PPP6R3: variants seen among roughly 807,000 people sequenced by gnomAD.
The protein encoded by PPP6R3 is protein phosphatase 6 regulatory subunit 3.
Under a neutral mutation model 110.7 loss-of-function variants are expected in PPP6R3, and 38 were observed. The observed-to-expected ratio is 0.34, with a 90% CI of 0.26 to 0.45. The LOEUF (loss-of-function observed/expected upper bound fraction) is 0.45, where lower values mean the gene tolerates loss of function less well. PPP6R3 is among the 20% of genes least tolerant of loss of function. The pLI is 1.00. For synonymous variants in PPP6R3, 369 were observed against 373.5 expected (o/e 0.99, Z 0.14); for missense variants, 870 against 1,062.4 (o/e 0.82, Z 2.52).
At chr11:68,557,953 A>G (rs1176080102) in intron 7 of PPP6R3, among the ~76,000 whole-genome samples, 1 of 152,228 alleles carries the variant, frequency 6.6e-6, no homozygotes, top group Non-Finnish European at 1.5e-5. Flanking sequence ...GAGAAGTGTA[A>G]TGGAAAGAGC....
At chr11:68,475,654 G>A (rs1256991731) in intron 1 of PPP6R3, among the ~76,000 whole-genome samples, 103 of 137,542 alleles carry the variant, frequency 7.5e-4, no homozygotes, top group Admixed American at 2.3e-3. Flanking sequence ...CCTCCCTCCC[G>A]GACGGGGCGG....
chr11:68,506,428 A>AAAAAAAAAAAAAAAAAAAAAT (rs2099077792), intron 1 of PPP6R3, among the ~76,000 whole-genome samples: 1 of 134,672 alleles, frequency 7.4e-6, no homozygotes, highest in Non-Finnish European at 1.6e-5. Context: ...AAAAAAAAAA[A>AAAAAAAAAAAAAAAAAAAAAT]AAAAAAAAAA....
intron 2 of PPP6R3, among the ~76,000 whole-genome samples, chr11:68,535,957 ACT>A (rs1200370925): frequency 2.0e-5 from 3 of 152,036 alleles, no homozygotes; most frequent in South Asian, 2.1e-4. Context: ...ACAGAGCAAG[ACT>A]CTGTCTCGCA....
chr11:68,595,200 ATTTTTTTTTTTTTTTTTTT>A (rs71043443), intron 18 of PPP6R3, among the ~76,000 whole-genome samples: 4 of 81,114 alleles, frequency 4.9e-5, no homozygotes, highest in South Asian at 5.1e-4. Context: ...CATAAAAATA[ATTTTTTTTTTTTTTTTTTT>A]TTTTTTTTTT....
intron 2 of PPP6R3, among the ~76,000 whole-genome samples, chr11:68,519,912 C>T (rs2099155421): frequency 6.6e-6 from 1 of 152,182 alleles, no homozygotes; most frequent in African/African-American, 2.4e-5. Flanking sequence ...CGCCAATGAC[C>T]AGCCAGGCCT....
At chr11:68,466,484 G>T (rs2098746932) in intron 1 of PPP6R3, among the ~76,000 whole-genome samples, 1 of 149,450 alleles carries the variant, frequency 6.7e-6, no homozygotes. Context: ...TGTCACCCAG[G>T]CTGGAGTGCA....
chr11:68,538,240 T>C (rs182024671), intron 3 of PPP6R3, among the ~76,000 whole-genome samples: 8 of 152,362 alleles, frequency 5.3e-5, no homozygotes, highest in Admixed American at 5.2e-4. Flanking sequence ...ACAGCAGATC[T>C]AAGTCAGAGC....
At chr11:68,557,262 G>C (rs2099403112) in intron 7 of PPP6R3, among the ~76,000 whole-genome samples, 1 of 152,236 alleles carries the variant, frequency 6.6e-6, no homozygotes, top group Non-Finnish European at 1.5e-5. Flanking sequence ...GCTGGTCTGA[G>C]AGTACTTGAA....
chr11:68,594,073 A>G (rs1208859870), intron 18 of PPP6R3, among the ~76,000 whole-genome samples: 1 of 152,140 alleles, frequency 6.6e-6, no homozygotes, highest in Non-Finnish European at 1.5e-5. Flanking sequence ...AAAGAACAAG[A>G]TATGTTAACA....
chr11:68,607,776 A>G (rs561768352), intron 22 of PPP6R3, among the ~76,000 whole-genome samples: 1 of 151,646 alleles, frequency 6.6e-6, no homozygotes, highest in Admixed American at 6.6e-5. Flanking sequence ...TATCTAATCT[A>G]GATTTTTTTT....
At chr11:68,468,643 G>A (rs1475126787) in intron 1 of PPP6R3, among the ~76,000 whole-genome samples, 2 of 152,214 alleles carry the variant, frequency 1.3e-5, no homozygotes, top group African/African-American at 2.4e-5. Flanking sequence ...GCTGCTCTGC[G>A]GAAGTCAGGG....
intron 12 of PPP6R3, 117 bp downstream of exon 12, chr11:68,571,221 C>T: frequency 7.7e-7 from 1 of 1,294,286 alleles, no homozygotes; most frequent in Non-Finnish European, 1.0e-6. Context: ...GGCCATTTTA[C>T]AATTTAAACT....
chr11:68,510,856 T>A (rs1156271249), intron 1 of PPP6R3, among the ~76,000 whole-genome samples: 1 of 152,162 alleles, frequency 6.6e-6, no homozygotes, highest in South Asian at 2.1e-4. Context: ...TTCATACTTG[T>A]GTGTATACTT....
At chr11:68,569,230 A>G (rs1048975856) in intron 10 of PPP6R3, among the ~76,000 whole-genome samples, 3 of 152,176 alleles carry the variant, frequency 2.0e-5, no homozygotes, top group Admixed American at 2.0e-4. Flanking sequence ...CATGTCAGAT[A>G]AGCAGATAGC....
chr11:68,470,203 C>A (rs2098780575), intron 1 of PPP6R3, among the ~76,000 whole-genome samples: 3 of 152,240 alleles, frequency 2.0e-5, no homozygotes, highest in East Asian at 3.9e-4. Flanking sequence ...TATGGTAATA[C>A]AAACAGGGAG....
chr11:68,584,606 A>G (rs973208359), intron 15 of PPP6R3, among the ~76,000 whole-genome samples: 6 of 152,208 alleles, frequency 3.9e-5, no homozygotes, highest in African/African-American at 1.4e-4. Context: ...AGGCATTTGG[A>G]AAGTGGATTC....
chr11:68,474,169 C>T (rs567676011), intron 1 of PPP6R3, among the ~76,000 whole-genome samples: 38 of 152,092 alleles, frequency 2.5e-4, no homozygotes, highest in Non-Finnish European at 1.5e-4. Context: ...TTCAGCCTCC[C>T]GAGTAGCTGG....
At chr11:68,537,268 C>A (rs1016533016) in intron 2 of PPP6R3, among the ~76,000 whole-genome samples, 2 of 152,154 alleles carry the variant, frequency 1.3e-5, no homozygotes, top group African/African-American at 4.8e-5. Flanking sequence ...TCTTCTGAAG[C>A]CTTCTAGATA....
intron 18 of PPP6R3, among the ~76,000 whole-genome samples, chr11:68,594,323 A>AGAGAGAGAGAGT (rs142473185): frequency 1.6e-4 from 22 of 136,160 alleles, no homozygotes; most frequent in Middle Eastern, 3.5e-3. Context: ...AGAGAGAAAA[A>AGAGAGAGAGAGT]GAGAGAGAGA....
Sources: allele counts gnomAD v4.1 joint callset (sites outside exome capture counted in the v4.1 genomes callset), GRCh38; gene constraint gnomAD v4.1.1; transcripts MANE v1.5; gene names NCBI Gene and HGNC (gene_info 2026-07-23, HGNC 2026-07-21).